Variants in MARK3 observed in about 807,000 individuals in gnomAD.
MARK3 encodes MAP/microtubule affinity-regulating kinase 3.
In MARK3, 46 loss-of-function variants were observed where a neutral mutation model predicts 90.1. The observed-to-expected ratio is 0.51, with a 90% CI of 0.40 to 0.65. The LOEUF (loss-of-function observed/expected upper bound fraction) is 0.65, where lower values mean the gene tolerates loss of function less well. MARK3 is among the 30% of genes least tolerant of loss of function. The pLI, the probability that MARK3 is intolerant of heterozygous loss-of-function variation, is 0.00. For synonymous variants in MARK3, 321 were observed against 332.6 expected (o/e 0.97, Z 0.38); for missense variants, 818 against 947.2 (o/e 0.86, Z 1.79).
chr14:103,413,758 A>G (rs1260656022), intron 2 of MARK3, among the ~76,000 whole-genome samples: 1 of 152,036 alleles, frequency 6.6e-6, no homozygotes, highest in African/African-American at 2.4e-5. Context: ...ACGCCTGGTC[A>G]GTTGTCTTTT....
chr14:103,440,649 T>G (rs540249367), intron 3 of MARK3, among the ~76,000 whole-genome samples: 1 of 152,086 alleles, frequency 6.6e-6, no homozygotes, highest in Non-Finnish European at 1.5e-5. Context: ...AAAGTGATAT[T>G]TGGCCAGGCA....
chr14:103,433,726 T>A (rs907895635), intron 3 of MARK3, among the ~76,000 whole-genome samples: 1 of 152,128 alleles, frequency 6.6e-6, no homozygotes, highest in African/African-American at 2.4e-5. Context: ...GGAAATTAGC[T>A]GTTATCTCCT....
intron 3 of MARK3, among the ~76,000 whole-genome samples, chr14:103,448,514 A>G (rs1378531906): frequency 1.3e-5 from 2 of 152,180 alleles, no homozygotes; most frequent in Non-Finnish European, 1.5e-5. Context: ...TAATATGCTT[A>G]TGATGTATTT....
Position 103,451,901 on chromosome 14 carries a change from CCT to C in MARK3, c.347-13_347-12del, listed in dbSNP as rs1566867601. 6.3e-7 allele frequency: 1 copy of C among 1,591,806 alleles called. No homozygotes were observed. The highest frequency in any genetic ancestry group is 2.2e-5 in the East Asian group (1 of 44,572). On this transcript the variant is annotated splice_polypyrimidine_tract_variant and intron_variant, in intron 4 of 17. Transcript: ENST00000429436. ...ACATTTGTCTCTTTTTCTTCCGTGTCCTCTCCTCTCCCGCAGTGAAGTTATTC... is the reference window on the plus strand; with the variant it reads ...ACATTTGTCTCTTTTTCTTCCGTGTCCTCCTCTCCCGCAGTGAAGTTATTC...
intron 4 of MARK3, 44 bp from the exon 5 acceptor site, chr14:103,451,874 A>C: frequency 3.6e-6 from 5 of 1,396,542 alleles, no homozygotes; most frequent in Non-Finnish European, 5.0e-6. Flanking sequence ...TTGTGCATAC[A>C]GACATTTGTC....
chr14:103,440,776 GA>G (rs2092830572), intron 3 of MARK3, among the ~76,000 whole-genome samples: 1 of 150,768 alleles, frequency 6.6e-6, no homozygotes. Context: ...TCTACAAAAA[GA>G]TTTTTTTTTT....
At chr14:103,421,251 A>C (rs1165002522) in intron 2 of MARK3, among the ~76,000 whole-genome samples, 3 of 152,250 alleles carry the variant, frequency 2.0e-5, no homozygotes, top group African/African-American at 7.2e-5. Flanking sequence ...AAACTTATGT[A>C]TTAATCTGCT....
At chr14:103,470,453 C>CTCTTTTTTTTTTT (rs1555396272) in intron 12 of MARK3, among the ~76,000 whole-genome samples, 1 of 24,186 alleles carries the variant, frequency 4.1e-5, no homozygotes, top group African/African-American at 1.2e-4. Flanking sequence ...GGAACTAAAT[C>CTCTTTTTTTTTTT]TATTTTTTTT....
chr14:103,474,875 T>C, intron 12 of MARK3, 118 bp from the exon 13 acceptor site: 2 of 706,244 alleles, frequency 2.8e-6, no homozygotes, highest in Non-Finnish European at 4.7e-6. Flanking sequence ...AGGATTTTAC[T>C]GTTTTACATT....
At chr14:103,412,066 T>A in intron 2 of MARK3, 1 of 472,820 alleles carries the variant, frequency 2.1e-6, no homozygotes, top group African/African-American at 2.0e-5. Context: ...ATTAGTTGGT[T>A]TTTTGTTTTT....
chr14:103,410,931 A>G (rs1366478320), intron 2 of MARK3, among the ~76,000 whole-genome samples: 4 of 151,940 alleles, frequency 2.6e-5, no homozygotes, highest in African/African-American at 9.7e-5. Flanking sequence ...CTTTTTCTTT[A>G]TTACATTTGG....
intron 4 of MARK3, 133 bp downstream of exon 4, chr14:103,449,100 T>C: frequency 9.4e-7 from 1 of 1,059,718 alleles, no homozygotes; most frequent in Non-Finnish European, 1.4e-6. Context: ...TGATCATTTG[T>C]ATTAGCTTTT....
chr14:103,447,664 A>G (rs914979759), intron 3 of MARK3, among the ~76,000 whole-genome samples: 10 of 152,228 alleles, frequency 6.6e-5, no homozygotes, highest in Non-Finnish European at 1.2e-4. Flanking sequence ...AACCCAGGCC[A>G]TAATGATAAG....
chr14:103,419,982 T>A (rs966324289), intron 2 of MARK3, among the ~76,000 whole-genome samples: 3 of 137,420 alleles, frequency 2.2e-5, no homozygotes, highest in African/African-American at 7.4e-5. Flanking sequence ...AGCGAGATCC[T>A]GTCTCTTAAG....
intron 3 of MARK3, among the ~76,000 whole-genome samples, chr14:103,439,557 C>T (rs373623821): frequency 3.9e-5 from 6 of 151,922 alleles, no homozygotes; most frequent in Non-Finnish European, 5.9e-5. Context: ...TACAGGCGTG[C>T]GCCACCACAC....
chr14:103,501,906 C>T (rs1233394683), intron 17 of MARK3, among the ~76,000 whole-genome samples: 1 of 152,164 alleles, frequency 6.6e-6, no homozygotes, highest in African/African-American at 2.4e-5. Flanking sequence ...ACACGGAGAG[C>T]TATGTGCATA....
chr14:103,391,640 G>C (rs2140462171), intron 1 of MARK3, among the ~76,000 whole-genome samples: 1 of 149,666 alleles, frequency 6.7e-6, no homozygotes, highest in Admixed American at 6.7e-5. Context: ...TGCCGCCCGG[G>C]TTCAAGCGAT....
chr14:103,426,537 T>C (rs2092410050), intron 2 of MARK3, among the ~76,000 whole-genome samples: 2 of 152,248 alleles, frequency 1.3e-5, no homozygotes, highest in Non-Finnish European at 2.9e-5. Flanking sequence ...GGGGGTGGGC[T>C]CATTTGCTGT....
intron 1 of MARK3, among the ~76,000 whole-genome samples, chr14:103,393,153 T>C (rs2090369137): frequency 6.6e-6 from 1 of 152,162 alleles, no homozygotes; most frequent in Non-Finnish European, 1.5e-5. Flanking sequence ...GCTGATTTTT[T>C]TGTATTTTCG....
Sources: allele counts gnomAD v4.1 joint callset (sites outside exome capture counted in the v4.1 genomes callset), GRCh38; gene constraint gnomAD v4.1.1; transcripts MANE v1.5; gene names NCBI Gene and HGNC (gene_info 2026-07-23, HGNC 2026-07-21).